MYO16: variants seen among roughly 807,000 people sequenced by gnomAD.
The protein encoded by MYO16 is unconventional myosin-XVI.
A neutral mutation model predicts 205.3 loss-of-function variants in MYO16; 94 were observed. The ratio of observed to expected loss-of-function variants is 0.46; its 90% confidence interval spans 0.39 to 0.54. The LOEUF (loss-of-function observed/expected upper bound fraction) is 0.54, where lower values mean the gene tolerates loss of function less well. Ranked by LOEUF, MYO16 falls within the 20% of genes least tolerant of loss-of-function variation. The pLI is 0.00. For missense variants in MYO16, 2,315 were observed against 2,387.5 expected (o/e 0.97, Z 0.63); for synonymous variants, 988 against 954.0 (o/e 1.04, Z -0.66).
At chr13:108,540,399 C>T in the MYO16 span, among the ~76,000 whole-genome samples, 1 of 151,956 alleles carries the variant, frequency 6.6e-6, no homozygotes, top group Admixed American at 6.6e-5. Flanking sequence ...TTTTTTGGCC[C>T]ATGTGGATCA....
At chr13:108,861,596 G>A (rs1053709632) in intron 11 of MYO16, among the ~76,000 whole-genome samples, 1 of 152,112 alleles carries the variant, frequency 6.6e-6, no homozygotes, top group Admixed American at 6.6e-5. Context: ...AATTGCTTTT[G>A]ACATAAATGG....
intron 4 of MYO16, among the ~76,000 whole-genome samples, chr13:108,782,954 T>G (rs1303623594): frequency 6.6e-6 from 1 of 152,212 alleles, no homozygotes; most frequent in African/African-American, 2.4e-5. Context: ...GGCGAGGCCC[T>G]CATGGAGAAC....
chr13:108,592,714 G>A (rs1270081871), upstream of MYO16, among the ~76,000 whole-genome samples: 1 of 128,710 alleles, frequency 7.8e-6, no homozygotes, highest in Non-Finnish European at 1.7e-5. Context: ...TACGTGTGGT[G>A]TGTGTGAGGG....
rs1290529140 is a variant in MYO16, at chr13:109,127,621, C to A, written c.4051+71C>A. 2.7e-6 allele frequency: 4 copies of A among 1,497,968 alleles called. No homozygotes were observed. The highest frequency in any genetic ancestry group is 3.6e-6 in the Non-Finnish European group (4 of 1,103,298). 92.8% of individuals were successfully genotyped at this position (1,497,968 alleles called of 1,614,324 possible). Reference sequence around the variant, plus strand: ...TGCTCTGACTTCGCCTTGGGGCGCCCATGGCAGTACTGTCGCCCTAATGTA... The same window carrying A: ...TGCTCTGACTTCGCCTTGGGGCGCCAATGGCAGTACTGTCGCCCTAATGTA... On this transcript the variant is annotated intron_variant, in intron 31 of 34. Transcript: ENST00000457511. This position sits in a 1 kb window ranked among gnomAD's most constrained non-coding sequence, Gnocchi z 4.2.
chr13:109,181,092 C>G (rs1879431744), intron 34 of MYO16, among the ~76,000 whole-genome samples: 1 of 152,202 alleles, frequency 6.6e-6, no homozygotes, highest in Non-Finnish European at 1.5e-5. Context: ...TAGTAGGGTG[C>G]TTTGTGACTT....
chr13:109,092,539 A>G (rs540806841), intron 27 of MYO16, among the ~76,000 whole-genome samples: 2 of 152,222 alleles, frequency 1.3e-5, no homozygotes, highest in East Asian at 1.9e-4. Context: ...ATAAGAACTC[A>G]TGAACACAGA....
intron 1 of MYO16, among the ~76,000 whole-genome samples, chr13:108,640,831 T>G (rs1371309124): frequency 6.6e-6 from 1 of 152,202 alleles, no homozygotes; most frequent in African/African-American, 2.4e-5. Context: ...AGGTTTGACA[T>G]AAAGGAAACT....
At chr13:108,513,140 C>T in the MYO16 span, among the ~76,000 whole-genome samples, 1 of 108,260 alleles carries the variant, frequency 9.2e-6, no homozygotes, top group Non-Finnish European at 1.8e-5. Flanking sequence ...TTGATTATTG[C>T]CCAATTTCAG....
chr13:109,158,043 G>A (rs990120931), intron 32 of MYO16, among the ~76,000 whole-genome samples: 5 of 152,152 alleles, frequency 3.3e-5, no homozygotes, highest in Admixed American at 6.5e-5. Flanking sequence ...AATCAGTGGA[G>A]AGCTCCCTAG....
At chr13:109,054,272 G>T in intron 25 of MYO16, 2 of 358,102 alleles carry the variant, frequency 5.6e-6, no homozygotes, top group Non-Finnish European at 5.6e-6. Flanking sequence ...TTGCTTATTT[G>T]AAAAAAAATA....
the MYO16 span, among the ~76,000 whole-genome samples, chr13:108,574,706 T>C: frequency 9.7e-5 from 8 of 82,452 alleles, no homozygotes; most frequent in African/African-American, 3.3e-4. Context: ...TGTGTGTGTG[T>C]GTGCGCTTGT....
At chr13:108,719,222 G>A (rs1884065864) in intron 3 of MYO16, among the ~76,000 whole-genome samples, 1 of 152,136 alleles carries the variant, frequency 6.6e-6, no homozygotes, top group Non-Finnish European at 1.5e-5. Context: ...AAGGAAACTT[G>A]CAGACATTCA....
intron 34 of MYO16, among the ~76,000 whole-genome samples, chr13:109,186,296 G>A: frequency 6.6e-6 from 1 of 152,202 alleles, no homozygotes; most frequent in East Asian, 1.9e-4. Context: ...GCAAGCTCAG[G>A]AGGAGAGGAA....
chr13:108,564,750 C>A, the MYO16 span, among the ~76,000 whole-genome samples: 1 of 151,958 alleles, frequency 6.6e-6, no homozygotes, highest in Non-Finnish European at 1.5e-5. Flanking sequence ...AGAGAGTTTC[C>A]CCAGTGTTTT....
intron 4 of MYO16, among the ~76,000 whole-genome samples, chr13:108,763,121 T>A (rs1004499889): frequency 2.0e-5 from 3 of 152,164 alleles, no homozygotes; most frequent in Non-Finnish European, 4.4e-5. Context: ...ACATCACATA[T>A]TCTTTATTGA....
intron 16 of MYO16, among the ~76,000 whole-genome samples, chr13:108,926,637 A>T (rs1229719500): frequency 6.6e-6 from 1 of 152,116 alleles, no homozygotes; most frequent in Non-Finnish European, 1.5e-5. Context: ...TCATCTAGAG[A>T]CCAGCAGGCT....
rs551059126 is a variant in MYO16 at position 108,824,466 on chromosome 13, G to T, written c.1097+1188G>T. On this transcript the variant is annotated intron_variant, in intron 9 of 34. Coordinates refer to ENST00000457511, the MANE Select transcript of MYO16 (RefSeq NM_001198950.3). ...ATTTATATATTCATATTCTTCAGAGGTAGTGTTGTGGTTGCTGGAAAGAGC... is the reference window on the plus strand; with the variant it reads ...ATTTATATATTCATATTCTTCAGAGTTAGTGTTGTGGTTGCTGGAAAGAGC... Among the ~76,000 whole-genome samples the T allele has an allele frequency of 5.9e-5, 9 of 152,132 alleles. No homozygotes were observed. In the South Asian group the frequency reaches 1.7e-3, roughly 28 times the overall value.
Position 108,804,149 on chromosome 13 carries a change from G to A in MYO16, c.742-2530G>A, listed in dbSNP as rs116693787. Among the ~76,000 whole-genome samples, 801 of 152,214 alleles carry A rather than the reference G, an allele frequency of 5.3e-3. 4 individuals are homozygous for A. Among genetic ancestry groups the A allele is most frequent in the African/African-American group, 0.018 (757 of 41,530 alleles). On this transcript the variant is annotated intron_variant, in intron 6 of 34. Coordinates refer to ENST00000457511, the MANE Select transcript of MYO16 (RefSeq NM_001198950.3). ...ACTCTAAACCACTGCTTCTCCATCT[G>A]CAAAATAAGGGCAACAATCATGTCA...
intron 28 of MYO16, among the ~76,000 whole-genome samples, chr13:109,110,501 AG>A (rs757301427): frequency 3.5e-4 from 54 of 152,246 alleles, no homozygotes; most frequent in Non-Finnish European, 1.2e-4. Flanking sequence ...TTCAAATACC[AG>A]AAGATACAGT....
Sources: gnomAD v4.1 joint callset for allele counts (sites outside exome capture counted in the v4.1 genomes callset) on GRCh38, gnomAD v4.1.1 for gene constraint, Gnocchi (gnomAD v3.1) non-coding constraint, MANE v1.5 for transcripts, NCBI Gene and HGNC (gene_info 2026-07-23, HGNC 2026-07-21) for gene names.